IL3RA: variants seen among roughly 807,000 people sequenced by gnomAD.
The protein encoded by IL3RA is interleukin 3 receptor subunit alpha.
In IL3RA, 73 loss-of-function variants were observed where a neutral mutation model predicts 52.3. The observed-to-expected ratio is 1.40, with a 90% CI of 1.16 to 1.70. The LOEUF (loss-of-function observed/expected upper bound fraction) is 1.70. Among genes scored for constraint, IL3RA ranks in the 40% most tolerant of loss-of-function variants. The pLI is 0.00. For missense variants in IL3RA, 664 were observed against 504.4 expected (o/e 1.32, Z -3.03); for synonymous variants, 260 against 194.0 (o/e 1.34, Z -2.83).
chrX:1,356,349 C>G lies in IL3RA; in HGVS notation c.732+13C>G, dbSNP rs777750954. On this transcript the variant is annotated intron_variant, in intron 7 of 11. Transcript: ENST00000331035. Reference sequence around the variant, plus strand: ...TCAGATACAAAAGGTAAACTTTCACCCCGCCCCCAGCCCCCCCACCCCCGT... The same window carrying G: ...TCAGATACAAAAGGTAAACTTTCACGCCGCCCCCAGCCCCCCCACCCCCGT... 1.3e-6 allele frequency: 2 copies of G among 1,565,760 alleles called. No individual in the cohort carries two copies. Among genetic ancestry groups the G allele is most frequent in the South Asian group, 1.1e-5 (1 of 89,954 alleles).
At chrX:1,361,909 C>G (rs1313032950) in intron 8 of IL3RA, among the ~76,000 whole-genome samples, 1 of 151,958 alleles carries the variant, frequency 6.6e-6, no homozygotes, top group South Asian at 2.1e-4. Context: ...TCTCACAACA[C>G]GTGGGAGTTA....
At chrX:1,339,422 G>T (rs2085405559) in intron 1 of IL3RA, among the ~76,000 whole-genome samples, 1 of 152,172 alleles carries the variant, frequency 6.6e-6, no homozygotes, top group African/African-American at 2.4e-5. Context: ...AAGGGGCTCA[G>T]CTTTTTCCAG....
At position 1,352,479 on chromosome X, in the gene IL3RA, G is replaced by T. The variant is rs754562435; in HGVS notation, c.589G>T (p.Asp197Tyr). The T allele has an allele frequency of 1.9e-6, 3 of 1,613,692 alleles. No homozygotes were observed. Among genetic ancestry groups the T allele is most frequent in the Non-Finnish European group, 1.7e-6 (2 of 1,179,796 alleles). Residue 197 changes from aspartate to tyrosine, a missense_variant, in exon 6 of 12, where the codon GAT becomes TAT. Asp to Tyr is a radical substitution (Grantham distance 160, BLOSUM62 -3). Coordinates refer to ENST00000331035, the MANE Select transcript of IL3RA (RefSeq NM_002183.4). ...RSAAFGIPCT[D>Y]KFVVFSQIEI... is the part of the protein sequence containing the mutation. Reference sequence around the variant, plus strand: ...CGCAGCCTTCGGTATCCCCTGCACAGATAAGTTTGTCGTCTTTTCACAGAT... The same window carrying T: ...CGCAGCCTTCGGTATCCCCTGCACATATAAGTTTGTCGTCTTTTCACAGAT...
Position 1,348,498 on chromosome X carries a change from G to C in IL3RA, c.251G>C (p.Arg84Pro), listed in dbSNP as rs138837148. 1.2e-6 allele frequency: 2 copies of C among 1,613,738 alleles called. No homozygotes were observed. Among genetic ancestry groups the C allele is most frequent in the Non-Finnish European group, 1.7e-6 (2 of 1,179,848 alleles). ...SLCEVTNYTV[R>P]VANPPFSTWI... ...TGTGAAGTGACCAACTACACCGTCCGAGTGGCCAACCCACCATTCTCCACG... is the reference window on the plus strand; with the variant it reads ...TGTGAAGTGACCAACTACACCGTCCCAGTGGCCAACCCACCATTCTCCACG... The change falls in exon 4 of 12, where the codon CGA (arginine) becomes CCA (proline). Residue 84 changes from arginine (R) to proline (P), a missense_variant. By Grantham distance (103) the Arg-to-Pro change is moderately radical. Transcript: ENST00000331035.
At position 1,368,143 on chromosome X, in the gene IL3RA, C is replaced by G. The variant is rs576907574; in HGVS notation, c.874+2891C>G. On this transcript the variant is annotated intron_variant, in intron 9 of 11. Transcript: ENST00000331035. ...GCGTGGTGATGGGCGCCTGTAGTCC[C>G]AGCTACTCGGGAGGCTGAGGCAGGA... is the stretch of plus-strand genomic sequence containing the variant. Among the ~76,000 whole-genome samples, 10 of 152,232 alleles carry G rather than the reference C, an allele frequency of 6.6e-5. No individual in the cohort carries two copies. The South Asian group carries it at 2.1e-3, about 32-fold the overall frequency.
chrX:1,356,265 C>G lies in IL3RA; in HGVS notation c.661C>G (p.His221Asp). ...CATGACTGCAAAGTGTAATAAGACA[C>G]ATTCCTTTATGCACTGGAAAATGAG... Reference protein sequence around the residue: ...PNMTAKCNKTHSFMHWKMRSH... With the variant: ...PNMTAKCNKTDSFMHWKMRSH... Residue 221 changes from histidine to aspartate, a missense_variant, in exon 7 of 12, where the codon CAT becomes GAT. Physicochemically the swap from His to Asp is moderately conservative, Grantham distance 81 (BLOSUM62 -1). Coordinates refer to ENST00000331035, the MANE Select transcript of IL3RA (RefSeq NM_002183.4). 6.2e-7 allele frequency: 1 copy of G among 1,613,570 alleles called. No homozygotes were observed. The highest frequency in any genetic ancestry group is 8.5e-7 in the Non-Finnish European group (1 of 1,179,646).
At chrX:1,363,280 C>T (rs2149100794) in intron 8 of IL3RA, among the ~76,000 whole-genome samples, 1 of 149,288 alleles carries the variant, frequency 6.7e-6, no homozygotes, top group African/African-American at 2.5e-5. Flanking sequence ...TTGTACCCAT[C>T]AAATATGAAT....
At chrX:1,348,688 T>TTC (rs1223979592) in intron 4 of IL3RA, 143 bp downstream of exon 4, 1 of 397,376 alleles carries the variant, frequency 2.5e-6, no homozygotes, top group African/African-American at 5.6e-5. Context: ...CTTTCTTTCT[T>TTC]TCTTTTTCTT....
chrX:1,344,270 G>C (rs1251423687), intron 2 of IL3RA, among the ~76,000 whole-genome samples: 5 of 151,742 alleles, frequency 3.3e-5, no homozygotes, highest in East Asian at 1.9e-4. Flanking sequence ...CCCATCTCTA[G>C]TAAAAATACA....
intron 8 of IL3RA, among the ~76,000 whole-genome samples, chrX:1,360,067 C>CT (rs1212806606): frequency 6.7e-6 from 1 of 148,494 alleles, no homozygotes; most frequent in East Asian, 2.0e-4. Context: ...ATCTCTCTCC[C>CT]TTTCTCCCTC....
chrX:1,350,012 A>T (rs2086012441), intron 4 of IL3RA, among the ~76,000 whole-genome samples: 1 of 152,176 alleles, frequency 6.6e-6, no homozygotes, highest in Non-Finnish European at 1.5e-5. Flanking sequence ...TCGGAAAAAA[A>T]AGACCACTCC....
intron 8 of IL3RA, among the ~76,000 whole-genome samples, chrX:1,361,910 G>A (rs1292570149): frequency 1.3e-5 from 2 of 151,798 alleles, no homozygotes; most frequent in South Asian, 2.1e-4. Flanking sequence ...CTCACAACAC[G>A]TGGGAGTTAT....
chrX:1,368,301 C>G (rs1240642426), intron 9 of IL3RA, among the ~76,000 whole-genome samples: 1 of 152,036 alleles, frequency 6.6e-6, no homozygotes, highest in Non-Finnish European at 1.5e-5. Context: ...AGTAGAACTT[C>G]TGGCCGGGCA....
intron 6 of IL3RA, 59 bp from the exon 7 acceptor site, chrX:1,356,158 GAAAA>G: frequency 9.3e-7 from 1 of 1,080,660 alleles, no homozygotes; most frequent in Non-Finnish European, 1.4e-6. Context: ...AAAAAAAAGA[GAAAA>G]AGAAAAAGAA....
chrX:1,363,325 G>A (rs1300945898), intron 8 of IL3RA, among the ~76,000 whole-genome samples: 36 of 143,438 alleles, frequency 2.5e-4, no homozygotes, highest in Non-Finnish European at 4.0e-4. Context: ...TTTTGAGACG[G>A]AGTCTCGCTC....
At chrX:1,345,471 T>G (rs778259919) in intron 3 of IL3RA, 37 bp downstream of exon 3, 1 of 1,311,892 alleles carries the variant, frequency 7.6e-7, no homozygotes, top group Non-Finnish European at 1.0e-6. Context: ...TATTTTTATT[T>G]TATTTATTTA....
Position 1,352,130 on chromosome X carries a change from T to C in IL3RA, c.329T>C (p.Leu110Pro), listed in dbSNP as rs751390109. Residue 110 changes from leucine (L) to proline (P), a missense_variant, in exon 5 of 12, where the codon CTG (leucine) becomes CCG (proline). Physicochemically the swap from Leu to Pro is moderately conservative, Grantham distance 98 (BLOSUM62 -3). Coordinates refer to ENST00000331035, the MANE Select transcript of IL3RA (RefSeq NM_002183.4). ...SGKPWAGAEN[L>P]TCWIHDVDFL... ...AAGCCTTGGGCAGGTGCGGAGAATCTGACCTGCTGGATTCATGACGTGGAT... is the reference window on the plus strand; with the variant it reads ...AAGCCTTGGGCAGGTGCGGAGAATCCGACCTGCTGGATTCATGACGTGGAT... 1.9e-6 allele frequency: 3 copies of C among 1,613,824 alleles called. No individual in the cohort carries two copies. In the Admixed American group the frequency reaches 5.0e-5, roughly 27 times the overall value.
chrX:1,380,488 A>AGAGGAGGGGGAAGGGAGGGGGGC, intron 10 of IL3RA, among the ~76,000 whole-genome samples: 1 of 1,770 alleles, frequency 5.6e-4, no homozygotes, highest in East Asian at 0.015. Context: ...GGGAGGGGGG[A>AGAGGAGGGGGAAGGGAGGGGGGC]AAGGAGGGGG....
chrX:1,349,584 T>C (rs1300067394), intron 4 of IL3RA, among the ~76,000 whole-genome samples: 4 of 152,074 alleles, frequency 2.6e-5, no homozygotes, highest in Non-Finnish European at 5.9e-5. Flanking sequence ...AGTGCAGGGA[T>C]TGTAAGCATC....
Sources: allele counts gnomAD v4.1 joint callset (sites outside exome capture counted in the v4.1 genomes callset), GRCh38; gene constraint gnomAD v4.1.1; transcripts MANE v1.5; gene names NCBI Gene and HGNC (gene_info 2026-07-23, HGNC 2026-07-21).